Variants in MAP7 observed in about 807,000 individuals in gnomAD.
The protein encoded by MAP7 is microtubule associated protein 7.
MAP7 carries 52 observed loss-of-function variants against 94.8 expected under a neutral mutation model. The observed-to-expected ratio is 0.55, with a 90% CI of 0.44 to 0.69. The LOEUF is 0.69. Among genes scored for constraint, MAP7 ranks in the 30% least tolerant of loss-of-function variants. MAP7 has a pLI of 0.00. For synonymous variants in MAP7, 350 were observed against 357.0 expected (o/e 0.98, Z 0.22); for missense variants, 940 against 964.6 (o/e 0.97, Z 0.34).
At position 136,362,634 on chromosome 6, in the gene MAP7, C is replaced by T. The variant is rs1164490625; in HGVS notation, c.1342G>A (p.Val448Ile). The T allele has an allele frequency of 4.3e-6, 7 of 1,611,980 alleles. No homozygotes were observed. The highest frequency in any genetic ancestry group is 5.9e-6 in the Non-Finnish European group (7 of 1,179,122). ...GCTGAGACCATGGCTGGGGTGGGGA[C>T]CGGGGCTGGAGCTGGGGCCGAGGCT... ...APASAPAPAPVPTPAMVSAPS... is the reference protein window; with the variant it reads ...APASAPAPAPIPTPAMVSAPS... Residue 448 changes from valine to isoleucine, a missense_variant, in exon 11 of 18, where the codon GTC becomes ATC. Physicochemically the swap from Val to Ile is conservative, Grantham distance 29 (BLOSUM62 3). Transcript: ENST00000354570.
chr6:136,483,618 C>T (rs1813646577), intron 1 of MAP7, among the ~76,000 whole-genome samples: 2 of 152,028 alleles, frequency 1.3e-5, no homozygotes. Context: ...CTCCTTTATA[C>T]TCACAGGAAC....
chr6:136,360,080 C>T (rs765174913), intron 13 of MAP7, 49 bp from the exon 14 acceptor site: 2 of 1,444,074 alleles, frequency 1.4e-6, no homozygotes, highest in Middle Eastern at 1.8e-4. Flanking sequence ...AGAAAAAAAG[C>T]CAGCCTGGCA....
chr6:136,442,024 C>T (rs1194119801), intron 1 of MAP7, among the ~76,000 whole-genome samples: 2 of 150,574 alleles, frequency 1.3e-5, no homozygotes, highest in East Asian at 4.0e-4. Flanking sequence ...ACAACAACAA[C>T]AGTAACAAAC....
intron 16 of MAP7, 119 bp from the exon 17 acceptor site, chr6:136,346,198 C>T (rs1452895715): frequency 3.2e-6 from 2 of 624,672 alleles, no homozygotes; most frequent in Non-Finnish European, 5.5e-6. Context: ...TTAAAAAAAT[C>T]AGACTGGTGA....
intron 1 of MAP7, among the ~76,000 whole-genome samples, chr6:136,490,663 T>C (rs964980659): frequency 6.6e-6 from 1 of 152,200 alleles, no homozygotes; most frequent in African/African-American, 2.4e-5. Context: ...CGTCAGCACA[T>C]AGCATGATCT....
rs772362754 is a variant in MAP7, at chr6:136,359,916, G to C, written c.1855-39C>G. ...AAAAAGAGGACTTTTAAAAATTAGA[G>C]TTACAAGTGAAAATGAAAAAGATAA... On this transcript the variant is annotated intron_variant, in intron 14 of 17. Transcript: ENST00000354570. 4.3e-6 allele frequency: 7 copies of C among 1,609,404 alleles called. No individual in the cohort carries two copies. The Admixed American group carries it at 8.4e-5, about 19-fold the overall frequency.
At chr6:136,446,407 C>A (rs1799371877) in intron 1 of MAP7, among the ~76,000 whole-genome samples, 1 of 152,252 alleles carries the variant, frequency 6.6e-6, no homozygotes, top group Non-Finnish European at 1.5e-5. Context: ...ACACCACCAT[C>A]CAGGAGTTTC....
intron 1 of MAP7, among the ~76,000 whole-genome samples, chr6:136,513,670 C>T (rs988057110): frequency 3.3e-5 from 5 of 152,060 alleles, no homozygotes; most frequent in African/African-American, 1.2e-4. Flanking sequence ...CCTGAGTATA[C>T]CCTGAGAATG....
chr6:136,364,250 T>C (rs1793656527), intron 10 of MAP7: 1 of 542,918 alleles, frequency 1.8e-6, no homozygotes, highest in Non-Finnish European at 3.7e-6. Flanking sequence ...CTGGTGTAAA[T>C]GTTGAACCTT....
intron 2 of MAP7, among the ~76,000 whole-genome samples, chr6:136,414,918 G>A (rs1239633013): frequency 6.6e-6 from 1 of 151,416 alleles, no homozygotes; most frequent in Non-Finnish European, 1.5e-5. Context: ...GGGTTTAAGC[G>A]ATTCTCCTGC....
At chr6:136,417,150 T>G (rs1789752884) in intron 2 of MAP7, among the ~76,000 whole-genome samples, 1 of 152,178 alleles carries the variant, frequency 6.6e-6, no homozygotes, top group African/African-American at 2.4e-5. Flanking sequence ...TATTCCACAT[T>G]GTTTCCCAAT....
intron 1 of MAP7, among the ~76,000 whole-genome samples, chr6:136,528,180 CAA>C (rs1394811507): frequency 6.6e-6 from 1 of 152,088 alleles, no homozygotes; most frequent in African/African-American, 2.4e-5. Flanking sequence ...CTCCCGATGA[CAA>C]ATGTTTGACC....
At chr6:136,517,875 C>T (rs1825318952) in intron 1 of MAP7, among the ~76,000 whole-genome samples, 4 of 152,128 alleles carry the variant, frequency 2.6e-5, no homozygotes, top group African/African-American at 7.2e-5. Flanking sequence ...AGTTCTAAAT[C>T]GGGGCTCAGA....
At chr6:136,360,826 C>T in intron 12 of MAP7, 28 bp from the exon 13 acceptor site, 1 of 1,609,738 alleles carries the variant, frequency 6.2e-7, no homozygotes, top group Non-Finnish European at 8.5e-7. Flanking sequence ...GCGTCTGCCT[C>T]TGACAAACAG....
At chr6:136,536,448 TATA>T (rs1276602492) in intron 1 of MAP7, among the ~76,000 whole-genome samples, 2 of 152,168 alleles carry the variant, frequency 1.3e-5, no homozygotes, top group Non-Finnish European at 2.9e-5. Context: ...TAGGAAGGAT[TATA>T]ATGACAAAGG....
chr6:136,510,561 G>C (rs940133128), intron 1 of MAP7, among the ~76,000 whole-genome samples: 1 of 152,074 alleles, frequency 6.6e-6, no homozygotes, highest in Non-Finnish European at 1.5e-5. Context: ...CTTTTCTTCA[G>C]GTAGGAGGAT....
At chr6:136,505,277 G>GTATATATATATATA (rs56764706) in intron 1 of MAP7, among the ~76,000 whole-genome samples, 73 of 53,816 alleles carry the variant, frequency 1.4e-3, no homozygotes, top group African/African-American at 3.7e-3. Flanking sequence ...GTGTGTGTGT[G>GTATATATATATATA]TATATATATA....
intron 1 of MAP7, among the ~76,000 whole-genome samples, chr6:136,535,976 T>C (rs1174494746): frequency 6.6e-6 from 1 of 150,684 alleles, no homozygotes; most frequent in Non-Finnish European, 1.5e-5. Context: ...AGTTCCCACC[T>C]GTGAGTGAGA....
intron 3 of MAP7, among the ~76,000 whole-genome samples, chr6:136,395,340 C>G (rs918384190): frequency 2.7e-5 from 4 of 149,506 alleles, no homozygotes; most frequent in Non-Finnish European, 5.9e-5. Context: ...TTTGCAGATG[C>G]CTGTTGGTTA....
Sources: allele counts gnomAD v4.1 joint callset (sites outside exome capture counted in the v4.1 genomes callset), GRCh38; gene constraint gnomAD v4.1.1; transcripts MANE v1.5; gene names NCBI Gene and HGNC (gene_info 2026-07-23, HGNC 2026-07-21).